The following UNC13C variants were observed in gnomAD, a reference collection of about 807,000 sequenced individuals.
The protein encoded by UNC13C is protein unc-13 homolog C.
In UNC13C, 174 loss-of-function variants were observed where a neutral mutation model predicts 245.4. That is an observed-to-expected ratio of 0.71 (90% CI 0.63 to 0.80). The LOEUF (loss-of-function observed/expected upper bound fraction) is 0.80. Ranked by LOEUF, UNC13C falls within the 30% of genes least tolerant of loss-of-function variation. The pLI, the probability that UNC13C is intolerant of heterozygous loss-of-function variation, is 0.00. For missense variants in UNC13C, 2,829 were observed against 2,602.9 expected (o/e 1.09, Z -1.89); for synonymous variants, 992 against 895.1 (o/e 1.11, Z -1.93).
At chr15:54,475,285 TTATTATTATTATTA>T (rs375731057) in intron 19 of UNC13C, among the ~76,000 whole-genome samples, 48,231 of 103,592 alleles carry the variant, frequency 0.47, 8,152 homozygotes, top group East Asian at 0.55. Context: ...TTTTTGTTTA[TTATTATTATTATTA>T]TTATTATTAT....
rs1372235484 is a variant in UNC13C, at chr15:53,978,731, C to G, written c.-453C>G. On this transcript the variant is annotated 5_prime_UTR_variant, in exon 1 of 33. Transcript: ENST00000260323. ...GAACAGACACCGTTGCAGACCAAGG[C>G]ATGCCTGATTGCACGAGTCGGATCC... Among the ~76,000 whole-genome samples the G allele has an allele frequency of 1.3e-5, 2 of 152,154 alleles. No individual in the cohort carries two copies. The highest frequency in any genetic ancestry group is 4.8e-5 in the African/African-American group (2 of 41,428).
rs148595966 is a variant in UNC13C, at chr15:54,454,992, A to G, written c.4934-39616A>G. On this transcript the variant is annotated intron_variant, in intron 19 of 32. Transcript: ENST00000260323. ...CCTTGCCCCCAAGTCTCCAGAGTTC[A>G]TTATATCATTATTATGTTACATTAC... Among the ~76,000 whole-genome samples, 1,099 of 151,468 alleles carry G rather than the reference A, an allele frequency of 7.3e-3. 17 individuals carry two copies. The highest frequency in any genetic ancestry group is 0.024 in the African/African-American group (1,007 of 41,286).
At chr15:54,304,277 G>A (rs1015394024) in intron 13 of UNC13C, among the ~76,000 whole-genome samples, 1 of 152,128 alleles carries the variant, frequency 6.6e-6, no homozygotes, top group Non-Finnish European at 1.5e-5. Flanking sequence ...GGTCTAAGGA[G>A]TGAAAACAAG....
chr15:54,177,899 A>AT (rs1201391129), intron 4 of UNC13C, among the ~76,000 whole-genome samples: 9 of 151,950 alleles, frequency 5.9e-5, no homozygotes, highest in Admixed American at 3.3e-4. Flanking sequence ...ATTATTAAAC[A>AT]TTTTTTCTCA....
chr15:54,537,087 C>A (rs1896019108), intron 26 of UNC13C, among the ~76,000 whole-genome samples: 1 of 152,084 alleles, frequency 6.6e-6, no homozygotes, highest in Non-Finnish European at 1.5e-5. Context: ...CCTATAGTCT[C>A]TGCCCAAAAG....
chr15:54,600,699 C>G (rs1338605378), intron 30 of UNC13C, among the ~76,000 whole-genome samples: 6 of 151,994 alleles, frequency 3.9e-5, no homozygotes, highest in African/African-American at 1.2e-4. Flanking sequence ...CTTTCTTATA[C>G]AAAATAAATA....
At chr15:53,874,446 T>C in the UNC13C span, among the ~76,000 whole-genome samples, 1 of 152,196 alleles carries the variant, frequency 6.6e-6, no homozygotes, top group Non-Finnish European at 1.5e-5. Flanking sequence ...CCAAGGTGTT[T>C]ACCTCTATGA....
At chr15:53,845,591 C>G in the UNC13C span, among the ~76,000 whole-genome samples, 55 of 152,264 alleles carry the variant, frequency 3.6e-4, no homozygotes, top group African/African-American at 1.3e-3. Flanking sequence ...AATGCTTACT[C>G]TATGCTAAGC....
intron 4 of UNC13C, among the ~76,000 whole-genome samples, chr15:54,146,261 C>A (rs2032252635): frequency 6.6e-6 from 1 of 152,110 alleles, no homozygotes; most frequent in Non-Finnish European, 1.5e-5. Flanking sequence ...AATACGGAGT[C>A]ATTGCTTTTC....
At chr15:54,082,953 C>T (rs12908680) in intron 2 of UNC13C, among the ~76,000 whole-genome samples, 71,140 of 151,852 alleles carry the variant, frequency 0.47, 18,645 homozygotes, top group Non-Finnish European at 0.6. Flanking sequence ...TGCTGTGCTC[C>T]GGGTGTGGAG....
At chr15:54,228,966 G>A (rs925866273) in intron 4 of UNC13C, among the ~76,000 whole-genome samples, 5 of 152,126 alleles carry the variant, frequency 3.3e-5, no homozygotes, top group African/African-American at 1.2e-4. Context: ...GTTTATTTAG[G>A]ACCCAACAGC....
At chr15:54,504,815 G>A (rs1431211679) in intron 22 of UNC13C, among the ~76,000 whole-genome samples, 1 of 152,128 alleles carries the variant, frequency 6.6e-6, no homozygotes, top group East Asian at 1.9e-4. Flanking sequence ...TACACTAGAT[G>A]GAATAACTGG....
chr15:53,867,721 T>C, the UNC13C span, among the ~76,000 whole-genome samples: 2 of 152,226 alleles, frequency 1.3e-5, no homozygotes, highest in Admixed American at 1.3e-4. Context: ...ATTTCCTTCC[T>C]GCCTATTAAT....
intron 4 of UNC13C, among the ~76,000 whole-genome samples, chr15:54,218,051 G>A (rs2140771532): frequency 6.6e-6 from 1 of 152,002 alleles, no homozygotes; most frequent in East Asian, 1.9e-4. Flanking sequence ...TCATTTTATT[G>A]ATTTTTAAAA....
At chr15:53,875,813 T>A in the UNC13C span, among the ~76,000 whole-genome samples, 1 of 152,180 alleles carries the variant, frequency 6.6e-6, no homozygotes, top group Non-Finnish European at 1.5e-5. Flanking sequence ...AGCACTAGGG[T>A]CTGGGCCATG....
chr15:54,258,259 G>A (rs1330343990), intron 8 of UNC13C, among the ~76,000 whole-genome samples: 1 of 152,164 alleles, frequency 6.6e-6, no homozygotes. Flanking sequence ...AATAGATATA[G>A]AGCATCCAGC....
the UNC13C span, among the ~76,000 whole-genome samples, chr15:53,941,448 G>A: frequency 6.6e-6 from 1 of 152,122 alleles, no homozygotes; most frequent in Non-Finnish European, 1.5e-5. Context: ...TGACAAATGG[G>A]ATCTAATTAA....
chr15:54,022,088 G>A (rs1180737171), intron 2 of UNC13C, among the ~76,000 whole-genome samples: 2 of 152,128 alleles, frequency 1.3e-5, no homozygotes, highest in African/African-American at 4.8e-5. Context: ...ACACATGACT[G>A]AATATGAAGA....
At chr15:54,346,771 A>G (rs1005956604) in intron 17 of UNC13C, among the ~76,000 whole-genome samples, 2 of 152,164 alleles carry the variant, frequency 1.3e-5, no homozygotes, top group African/African-American at 4.8e-5. Flanking sequence ...CCAATGTGTC[A>G]GTGTAGACAG....
Sources: gnomAD v4.1 joint callset for allele counts (sites outside exome capture counted in the v4.1 genomes callset) on GRCh38, gnomAD v4.1.1 for gene constraint, MANE v1.5 for transcripts, NCBI Gene and HGNC (gene_info 2026-07-23, HGNC 2026-07-21) for gene names.